Variants in ZC3H12B observed in about 807,000 individuals in gnomAD.
The protein encoded by ZC3H12B is probable ribonuclease ZC3H12B.
ZC3H12B carries 7 observed loss-of-function variants against 43.9 expected under a neutral mutation model. The observed-to-expected ratio is 0.16, with a 90% CI of 0.09 to 0.30. The LOEUF (loss-of-function observed/expected upper bound fraction) is 0.30, where lower values mean the gene tolerates loss of function less well. Among genes scored for constraint, ZC3H12B ranks in the 10% least tolerant of loss-of-function variants. The pLI, the probability that ZC3H12B is intolerant of heterozygous loss-of-function variation, is 1.00. For missense variants in ZC3H12B, 475 were observed against 670.2 expected, an observed-to-expected ratio of 0.71 and a Z score of 3.22; for synonymous variants, 222 against 241.7, an observed-to-expected ratio of 0.92 and a Z score of 0.76.
At chrX:65,265,454 C>A in the ZC3H12B span, among the ~76,000 whole-genome samples, 1 of 111,663 alleles carries the variant, frequency 9.0e-6, no homozygotes, top group African/African-American at 3.3e-5. Context: ...CAGGTGGCAG[C>A]CTTTATACTA....
At position 65,443,668 on chromosome X, in the gene ZC3H12B, C is replaced by T. The variant is rs190021436; in HGVS notation, n.407+44964C>T. Among the ~76,000 whole-genome samples, 7 of 112,618 alleles carry T rather than the reference C, an allele frequency of 6.2e-5. No individual in the cohort carries two copies. In the East Asian group the frequency reaches 8.4e-4, roughly 13 times the overall value. On this transcript the variant is annotated intron_variant and non_coding_transcript_variant, in intron 3 of 5. Transcript: ENST00000617377. ...GGCTTTTGTTTGTGGTTTAAGAATG[C>T]CTTTAAGCGGTTTTCCAGCCTGGGC...
At chrX:65,101,045 C>A in the ZC3H12B span, among the ~76,000 whole-genome samples, 1 of 111,992 alleles carries the variant, frequency 8.9e-6, no homozygotes, top group African/African-American at 3.2e-5. Context: ...AACAAACAGT[C>A]TCTCAGACCA....
At chrX:65,376,198 C>T (rs1199638388) in intron 2 of ZC3H12B, among the ~76,000 whole-genome samples, 1 of 112,201 alleles carries the variant, frequency 8.9e-6, no homozygotes, top group Non-Finnish European at 1.9e-5. Context: ...TGGGCTGAGG[C>T]TCTGCTTCCT....
At chrX:65,125,739 A>AAAGC in the ZC3H12B span, among the ~76,000 whole-genome samples, 1 of 110,860 alleles carries the variant, frequency 9.0e-6, no homozygotes, top group Non-Finnish European at 1.9e-5. Flanking sequence ...TTTGTCTATT[A>AAAGC]AACTGCTGTT....
At chrX:65,169,348 G>C in the ZC3H12B span, among the ~76,000 whole-genome samples, 1 of 112,026 alleles carries the variant, frequency 8.9e-6, no homozygotes, top group Non-Finnish European at 1.9e-5. Flanking sequence ...GCAGTTTTTA[G>C]TGAGTTTCTT....
chrX:65,421,220 T>G (rs2067013659), intron 3 of ZC3H12B, among the ~76,000 whole-genome samples: 1 of 112,384 alleles, frequency 8.9e-6, no homozygotes, highest in Admixed American at 9.4e-5. Context: ...AAAAGTCAAA[T>G]TATCTGTTCT....
At chrX:65,126,232 C>A in the ZC3H12B span, among the ~76,000 whole-genome samples, 25 of 110,486 alleles carry the variant, frequency 2.3e-4, no homozygotes, top group South Asian at 3.8e-4. Context: ...CGGTATCTTT[C>A]CTTCATTTAT....
intron 3 of ZC3H12B, among the ~76,000 whole-genome samples, chrX:65,429,665 C>A (rs2067129065): frequency 8.9e-6 from 1 of 112,135 alleles, no homozygotes; most frequent in Non-Finnish European, 1.9e-5. Flanking sequence ...CATGAGACCA[C>A]CCGTCTCTTT....
the ZC3H12B span, among the ~76,000 whole-genome samples, chrX:65,315,542 G>A: frequency 4.5e-5 from 5 of 111,680 alleles, no homozygotes; most frequent in African/African-American, 1.6e-4. Flanking sequence ...CAGATCAGGA[G>A]TGCTGAGCTG....
the ZC3H12B span, chrX:65,187,163 T>C: frequency 8.9e-6 from 1 of 112,180 alleles, no homozygotes; most frequent in Non-Finnish European, 1.9e-5. Flanking sequence ...CTCAGTTTCA[T>C]ATTAACTTCT....
chrX:65,387,948 T>C (rs190583941), intron 2 of ZC3H12B, among the ~76,000 whole-genome samples: 1 of 112,196 alleles, frequency 8.9e-6, no homozygotes, highest in Non-Finnish European at 1.9e-5. Context: ...TTCTTTTCTA[T>C]AAGGATGTTG....
the ZC3H12B span, among the ~76,000 whole-genome samples, chrX:65,036,814 C>T: frequency 9.1e-6 from 1 of 109,406 alleles, no homozygotes; most frequent in African/African-American, 3.3e-5. Flanking sequence ...CTTAGAGAAC[C>T]CTGCAGTAAT....
chrX:65,204,163 C>A, the ZC3H12B span, among the ~76,000 whole-genome samples: 1 of 105,552 alleles, frequency 9.5e-6, no homozygotes, highest in Non-Finnish European at 1.9e-5. Flanking sequence ...CTCTTCAGTG[C>A]CTTTTTAAGG....
At chrX:65,500,319 A>G (rs770882775) in intron 4 of ZC3H12B, among the ~76,000 whole-genome samples, 1 of 112,731 alleles carries the variant, frequency 8.9e-6, no homozygotes, top group African/African-American at 3.2e-5. Context: ...AAAGGGCAAT[A>G]CCAAACTGAG....
At chrX:65,410,340 A>G (rs747909782) in intron 3 of ZC3H12B, among the ~76,000 whole-genome samples, 13 of 112,175 alleles carry the variant, frequency 1.2e-4, no homozygotes, top group African/African-American at 4.2e-4. Flanking sequence ...CTTAAATATA[A>G]GACCTCAAAC....
chrX:65,436,427 T>G (rs2067222674), intron 3 of ZC3H12B, among the ~76,000 whole-genome samples: 1 of 112,429 alleles, frequency 8.9e-6, no homozygotes, highest in Non-Finnish European at 1.9e-5. Flanking sequence ...TATCTGGACT[T>G]TTTACCAATT....
chrX:65,439,114 A>G (rs1327980578), intron 3 of ZC3H12B, among the ~76,000 whole-genome samples: 1 of 112,379 alleles, frequency 8.9e-6, no homozygotes, highest in African/African-American at 3.2e-5. Flanking sequence ...ATCCATTTTA[A>G]TAGGTTACTA....
At chrX:65,367,892 G>A (rs1249654665) in intron 1 of ZC3H12B, among the ~76,000 whole-genome samples, 1 of 110,677 alleles carries the variant, frequency 9.0e-6, no homozygotes, top group Non-Finnish European at 1.9e-5. Flanking sequence ...TTGGAGTTTG[G>A]AAAACACAGT....
At chrX:65,127,168 T>C in the ZC3H12B span, among the ~76,000 whole-genome samples, 1 of 111,503 alleles carries the variant, frequency 9.0e-6, no homozygotes, top group Non-Finnish European at 1.9e-5. Flanking sequence ...GGGCTGCTGT[T>C]CAGATTCTTT....
Sources: gnomAD v4.1 joint callset for allele counts (sites outside exome capture counted in the v4.1 genomes callset) on GRCh38, gnomAD v4.1.1 for gene constraint, MANE v1.5 for transcripts, NCBI Gene and HGNC (gene_info 2026-07-23, HGNC 2026-07-21) for gene names.